GMEB2: variants seen among roughly 807,000 people sequenced by gnomAD.
GMEB2 encodes the protein glucocorticoid modulatory element-binding protein 2.
Under a neutral mutation model 45.7 loss-of-function variants are expected in GMEB2, and 7 were observed. The ratio of observed to expected loss-of-function variants is 0.15; its 90% CI spans 0.09 to 0.29. The LOEUF (loss-of-function observed/expected upper bound fraction) is 0.29, where lower values mean the gene tolerates loss of function less well. GMEB2 is among the 10% of genes least tolerant of loss of function. The probability of loss-of-function intolerance (pLI) is 1.00; values close to 1 mark genes in which losing one functional copy is unlikely to be tolerated. For synonymous variants in GMEB2, 322 were observed against 323.6 expected, an observed-to-expected ratio of 1.00 and a Z score of 0.05; for missense variants, 582 against 739.2, an observed-to-expected ratio of 0.79 and a Z score of 2.47.
intron 2 of GMEB2, among the ~76,000 whole-genome samples, chr20:63,615,585 C>G (rs970203040): frequency 2.6e-5 from 4 of 152,188 alleles, no homozygotes; most frequent in African/African-American, 9.6e-5. Flanking sequence ...CTCAGCCTCC[C>G]AAAGTGCTCA....
At chr20:63,616,627 C>T (rs1007126479) in intron 2 of GMEB2, among the ~76,000 whole-genome samples, 2 of 152,208 alleles carry the variant, frequency 1.3e-5, no homozygotes, top group South Asian at 4.1e-4. Context: ...ATGACTGATG[C>T]TCAGTTTATA....
At chr20:63,596,543 C>T (rs6090468) in intron 5 of GMEB2, among the ~76,000 whole-genome samples, 12,728 of 152,280 alleles carry the variant, frequency 0.084, 702 homozygotes, top group African/African-American at 0.15. Flanking sequence ...CCACCAGCCA[C>T]GTTCCAGAAA....
At chr20:63,595,434 C>G (rs1350738373) in intron 6 of GMEB2, among the ~76,000 whole-genome samples, 176 bp downstream of exon 6, 2 of 152,262 alleles carry the variant, frequency 1.3e-5, no homozygotes, top group Non-Finnish European at 2.9e-5. Context: ...TCTGCCAGAT[C>G]TCCTCTGTGA....
chr20:63,603,482 G>A (rs1420849371), intron 3 of GMEB2, among the ~76,000 whole-genome samples: 2 of 152,196 alleles, frequency 1.3e-5, no homozygotes, highest in African/African-American at 4.8e-5. Context: ...TGTAATCCCA[G>A]CACTTTGGGA....
rs146447411 is a variant in GMEB2 at position 63,623,877 on chromosome 20, C to T, written c.-58+3079G>A. On this transcript the variant is annotated intron_variant, in intron 1 of 9. Transcript: ENST00000370077. Reference sequence around the variant, plus strand: ...CCATAATCCTAGCACTTTGGGAGGCCGAGGCGAGCAGATCACCTGAGGTCA... The same window carrying T: ...CCATAATCCTAGCACTTTGGGAGGCTGAGGCGAGCAGATCACCTGAGGTCA... Among the ~76,000 whole-genome samples the T allele has an allele frequency of 6.3e-3, 961 of 151,784 alleles. 6 individuals are homozygous for T. Among genetic ancestry groups the T allele is most frequent in the Non-Finnish European group, 0.011 (746 of 67,918 alleles).
At position 63,604,744 on chromosome 20, in the gene GMEB2, T is replaced by C; in HGVS notation, c.228A>G (p.Leu76=). ...TTCCCACCTAGGACGGCTTCCTACC[T>C]AACACGGCTTCCTTGAGCTGGGAGG... The part of the protein sequence containing the change: ...TASSQLKEAV[L]VKMAEEGENL... The change falls in exon 3 of 10, where the codon TTA becomes TTG. Residue 76 remains leucine (L), a splice_region_variant and synonymous_variant. Transcript: ENST00000370077. 1.3e-6 allele frequency: 2 copies of C among 1,587,218 alleles called. No homozygotes were observed. Among genetic ancestry groups the C allele is most frequent in the Non-Finnish European group, 1.7e-6 (2 of 1,155,538 alleles).
intron 2 of GMEB2, among the ~76,000 whole-genome samples, chr20:63,618,106 G>A (rs2089622244): frequency 1.3e-5 from 2 of 152,250 alleles, no homozygotes; most frequent in East Asian, 1.9e-4. Flanking sequence ...GCAAGAGTGG[G>A]GAGGTGTGGG....
chr20:63,590,982 C>G (rs2083141895), intron 9 of GMEB2, among the ~76,000 whole-genome samples: 1 of 152,100 alleles, frequency 6.6e-6, no homozygotes, highest in Admixed American at 6.5e-5. Context: ...GACCCGGGGC[C>G]TGTGTGCAAG....
intron 1 of GMEB2, among the ~76,000 whole-genome samples, chr20:63,622,857 G>A (rs2089648722): frequency 1.3e-5 from 2 of 152,170 alleles, no homozygotes; most frequent in Admixed American, 1.3e-4. Flanking sequence ...AGAAACCGTG[G>A]GGAGCTGGGT....
rs377162124 is a variant in GMEB2 at position 63,592,008 on chromosome 20, T to A, written c.952+14A>T. 6.8e-5 allele frequency: 109 copies of A among 1,602,970 alleles called. No homozygotes were observed. The African/African-American group carries it at 1.2e-3, about 17-fold the overall frequency. On this transcript the variant is annotated intron_variant, in intron 9 of 9. Transcript: ENST00000370077. This position sits in a 1 kb window ranked among gnomAD's most constrained non-coding sequence, Gnocchi z 8.2. ...TACCGCCCAGGGGACGGGACGGGGGTGGTCTCAGCATACCTGCCAGGTCCC... is the reference window on the plus strand; with the variant it reads ...TACCGCCCAGGGGACGGGACGGGGGAGGTCTCAGCATACCTGCCAGGTCCC...
At position 63,622,990 on chromosome 20, in the gene GMEB2, G is replaced by A. The variant is rs73315894; in HGVS notation, c.-57-3536C>T. Among the ~76,000 whole-genome samples the A allele has an allele frequency of 2.8e-3, 426 of 152,226 alleles. 6 individuals carry two copies. Among genetic ancestry groups the A allele is most frequent in the African/African-American group, 9.9e-3 (409 of 41,522 alleles). On this transcript the variant is annotated intron_variant, in intron 1 of 9. Coordinates refer to ENST00000370077, the MANE Select transcript of GMEB2 (RefSeq NM_012384.5). ...TAGGTTTAGGGTAAGAAGGGGCAGC[G>A]CCCAGAGCCCAGAGAACACCAGTGA...
At chr20:63,609,419 A>C (rs1425353693) in intron 2 of GMEB2, among the ~76,000 whole-genome samples, 5 of 106,762 alleles carry the variant, frequency 4.7e-5, no homozygotes, top group Admixed American at 1.0e-4. Flanking sequence ...CTCTGACCCC[A>C]CCTCCATTTC....
intron 4 of GMEB2, among the ~76,000 whole-genome samples, chr20:63,600,048 A>T (rs1388781295): frequency 1.3e-5 from 2 of 149,374 alleles, no homozygotes; most frequent in East Asian, 2.0e-4. Flanking sequence ...CAAAAAAAAA[A>T]TTTTTTTTTT....
chr20:63,617,123 T>G (rs1259682297), intron 2 of GMEB2, among the ~76,000 whole-genome samples: 1 of 151,912 alleles, frequency 6.6e-6, no homozygotes, highest in Non-Finnish European at 1.5e-5. Flanking sequence ...TACAGGTGCT[T>G]ACCACCGCAC....
rs311496 is a variant in GMEB2 at position 63,590,257 on chromosome 20, T to C, written c.1425A>G (p.Leu475=). ...CCAGGCCAGGCAACGTGAGCAGCTG[T>C]AGCGGGCTGACCACCTTGAACACCG... ...GSTVFKVVSP[L]QLLTLPGLGP... The change falls in exon 10 of 10, where the codon CTA becomes CTG. Residue 475 remains leucine, a synonymous_variant. Transcript: ENST00000370077. 1,360,702 of 1,612,186 alleles carry C rather than the reference T, an allele frequency of 0.84. 576,378 individuals carry two copies. The highest frequency in any genetic ancestry group is 1 in the East Asian group (44,838 of 44,862).
chr20:63,589,724 C>T lies in GMEB2; in HGVS notation c.*365G>A, dbSNP rs537115445. ...ACCGCGTCCAGCACCTGCAGGGTCG[C>T]GCTCGGCACCTGGCTCTGCTTCCTC... On this transcript the variant is annotated 3_prime_UTR_variant, in exon 10 of 10. Transcript: ENST00000370077. 3.4e-5 allele frequency: 7 copies of T among 207,692 alleles called. No homozygotes were observed. The highest frequency in any genetic ancestry group is 6.9e-5 in the African/African-American group (3 of 43,674). The allele number at this position is 207,692 out of a possible 1,614,324, so 12.9% of individuals were successfully genotyped here. A position where few individuals can be genotyped will look rare whatever the true frequency, so the allele number is the denominator to read the frequency against.
intron 6 of GMEB2, among the ~76,000 whole-genome samples, chr20:63,595,271 G>A (rs2083185227): frequency 6.6e-6 from 1 of 151,036 alleles, no homozygotes; most frequent in Non-Finnish European, 1.5e-5. Context: ...ATTTGGGGCT[G>A]GGCCGTGGGG....
intron 1 of GMEB2, among the ~76,000 whole-genome samples, chr20:63,620,214 AATT>A (rs2089635778): frequency 6.6e-6 from 1 of 152,174 alleles, no homozygotes; most frequent in African/African-American, 2.4e-5. Context: ...CGGGTTTAAA[AATT>A]ATTATTATTT....
At chr20:63,622,357 T>G (rs1302634954) in intron 1 of GMEB2, among the ~76,000 whole-genome samples, 1 of 152,200 alleles carries the variant, frequency 6.6e-6, no homozygotes, top group Non-Finnish European at 1.5e-5. Flanking sequence ...GCCAGGCCTC[T>G]GCAATTATGC....
Sources: gnomAD v4.1 joint callset for allele counts (sites outside exome capture counted in the v4.1 genomes callset) on GRCh38, gnomAD v4.1.1 for gene constraint, Gnocchi (gnomAD v3.1) non-coding constraint, MANE v1.5 for transcripts, NCBI Gene and HGNC (gene_info 2026-07-23, HGNC 2026-07-21) for gene names.